GRID1: variants seen among roughly 807,000 people sequenced by gnomAD.
The protein encoded by GRID1 is glutamate receptor ionotropic, delta-1.
Under a neutral mutation model 98.0 loss-of-function variants are expected in GRID1, and 28 were observed. The observed-to-expected ratio is 0.29, with a 90% CI of 0.21 to 0.39. GRID1 has a LOEUF of 0.39. Among genes scored for constraint, GRID1 ranks in the 10% least tolerant of loss-of-function variants. GRID1 has a pLI of 1.00. For missense variants in GRID1, 1,111 were observed against 1,340.5 expected, an observed-to-expected ratio of 0.83 and a Z score of 2.67; for synonymous variants, 553 against 538.5, an observed-to-expected ratio of 1.03 and a Z score of -0.37.
At chr10:85,968,749 T>C (rs994236061) in intron 4 of GRID1, among the ~76,000 whole-genome samples, 3 of 152,102 alleles carry the variant, frequency 2.0e-5, no homozygotes, top group African/African-American at 7.2e-5. Flanking sequence ...TTAGAAAATA[T>C]ATATTGAATG....
intron 4 of GRID1, among the ~76,000 whole-genome samples, chr10:85,939,392 A>G (rs1251360411): frequency 6.6e-6 from 1 of 152,244 alleles, no homozygotes; most frequent in Non-Finnish European, 1.5e-5. Flanking sequence ...AAAAACCTAC[A>G]AAGTTTGGTA....
chr10:86,168,248 A>T (rs929242892), intron 3 of GRID1, among the ~76,000 whole-genome samples: 7 of 152,298 alleles, frequency 4.6e-5, no homozygotes, highest in Admixed American at 1.3e-4. Flanking sequence ...GGGCTGTGTG[A>T]CTGTAAACAG....
intron 12 of GRID1, among the ~76,000 whole-genome samples, chr10:85,667,693 G>C (rs1190739616): frequency 6.6e-5 from 10 of 152,170 alleles, no homozygotes; most frequent in African/African-American, 2.4e-4. Flanking sequence ...TTCTTCCCCA[G>C]TGTGCCCCCA....
At chr10:86,113,967 T>A (rs1844531829) in intron 4 of GRID1, among the ~76,000 whole-genome samples, 1 of 152,150 alleles carries the variant, frequency 6.6e-6, no homozygotes, top group South Asian at 2.1e-4. Context: ...GAGTTCCCCA[T>A]GTGCAGAGGT....
At position 85,601,023 on chromosome 10, in the gene GRID1, G is replaced by C. The variant is rs1842566581; in HGVS notation, c.*1250C>G. The C allele has an allele frequency of 6.6e-6, 1 of 152,408 alleles. No homozygotes were observed. Among genetic ancestry groups the C allele is most frequent in the African/African-American group, 2.4e-5 (1 of 41,470 alleles). 9.4% of individuals were successfully genotyped at this position (152,408 alleles called of 1,614,324 possible). On this transcript the variant is annotated 3_prime_UTR_variant, in exon 16 of 16. Transcript: ENST00000327946. ...CTGCCTGCAGGATTTATGACCCAGA[G>C]ATAGGCCTTTACTTTTGGGGCTACA...
intron 2 of GRID1, among the ~76,000 whole-genome samples, chr10:86,300,500 ACAGGG>A (rs1847666776): frequency 1.4e-5 from 1 of 72,648 alleles, no homozygotes; most frequent in Non-Finnish European, 2.6e-5. Context: ...GGGAGGAAAG[ACAGGG>A]GAGGGGAAGG....
chr10:86,287,605 A>G (rs1847450682), intron 2 of GRID1, among the ~76,000 whole-genome samples: 2 of 152,236 alleles, frequency 1.3e-5, no homozygotes, highest in Non-Finnish European at 1.5e-5. Flanking sequence ...CCTGACCACA[A>G]CCATCAGAGT....
chr10:85,909,770 G>T (rs143548884), intron 5 of GRID1, among the ~76,000 whole-genome samples: 6 of 152,258 alleles, frequency 3.9e-5, no homozygotes, highest in African/African-American at 1.4e-4. Flanking sequence ...GGCCAGGAGG[G>T]TGGCATTCCT....
intron 4 of GRID1, among the ~76,000 whole-genome samples, chr10:85,973,146 G>C (rs976375347): frequency 6.6e-6 from 1 of 152,100 alleles, no homozygotes; most frequent in African/African-American, 2.4e-5. Context: ...GTGTTAACCA[G>C]GTTTGAATTT....
chr10:86,261,380 G>A (rs1847013652), intron 2 of GRID1, among the ~76,000 whole-genome samples: 1 of 152,228 alleles, frequency 6.6e-6, no homozygotes, highest in African/African-American at 2.4e-5. Flanking sequence ...TGCATAGTGA[G>A]GATCGGATGT....
intron 15 of GRID1, among the ~76,000 whole-genome samples, chr10:85,604,593 C>G (rs957851909): frequency 6.6e-6 from 1 of 152,176 alleles, no homozygotes; most frequent in Admixed American, 6.5e-5. Flanking sequence ...TGGAGAATGC[C>G]AGGCTTCTAC....
intron 12 of GRID1, among the ~76,000 whole-genome samples, chr10:85,676,049 G>T (rs976088581): frequency 6.6e-6 from 1 of 152,232 alleles, no homozygotes; most frequent in African/African-American, 2.4e-5. Flanking sequence ...CAATGCCACA[G>T]GGATCACCTC....
At chr10:86,170,276 C>A (rs1256454898) in intron 3 of GRID1, among the ~76,000 whole-genome samples, 1 of 152,204 alleles carries the variant, frequency 6.6e-6, no homozygotes, top group Non-Finnish European at 1.5e-5. Flanking sequence ...AGCCAGCAGG[C>A]GGATGGCATG....
chr10:86,095,091 G>T (rs1221850210), intron 4 of GRID1, among the ~76,000 whole-genome samples: 1 of 152,046 alleles, frequency 6.6e-6, no homozygotes, highest in Non-Finnish European at 1.5e-5. Context: ...AAAATAAAGT[G>T]GGGAAAGAAA....
At chr10:86,271,427 A>T (rs1847183127) in intron 2 of GRID1, among the ~76,000 whole-genome samples, 1 of 152,224 alleles carries the variant, frequency 6.6e-6, no homozygotes, top group South Asian at 2.1e-4. Context: ...GCAGGAAAAA[A>T]ATTTACCCAT....
At position 86,206,307 on chromosome 10, in the gene GRID1, C is replaced by T. The variant is rs1443117777; in HGVS notation, c.520+57G>A. The T allele has an allele frequency of 1.3e-6, 2 of 1,529,820 alleles. No homozygotes were observed. Among genetic ancestry groups the T allele is most frequent in the Non-Finnish European group, 1.8e-6 (2 of 1,129,742 alleles). The allele number at this position is 1,529,820 out of a possible 1,614,324, so 94.8% of individuals were successfully genotyped here. A position where few individuals can be genotyped will look rare whatever the true frequency, so the allele number is the denominator to read the frequency against. ...GGGCCCCACCCACTCTCAGGTCTCC[C>T]AGCATCTGGCCATCCCTGTCCCCAA... On this transcript the variant is annotated intron_variant, in intron 3 of 15. Transcript: ENST00000327946. The surrounding 1 kb of genome is among the most constrained non-coding windows in gnomAD (Gnocchi z 4.1).
chr10:85,710,027 T>C (rs1178871099), intron 12 of GRID1, among the ~76,000 whole-genome samples: 2 of 152,168 alleles, frequency 1.3e-5, no homozygotes, highest in East Asian at 3.8e-4. Context: ...ATTGGAAGAC[T>C]TAATATTTTA....
At chr10:85,715,504 A>C (rs1456064822) in intron 12 of GRID1, among the ~76,000 whole-genome samples, 1 of 152,162 alleles carries the variant, frequency 6.6e-6, no homozygotes, top group Non-Finnish European at 1.5e-5. Context: ...GAAATCAAAA[A>C]CTCACTAACC....
rs552940661 is a variant in GRID1, at chr10:85,726,755, G to A, written c.1533+1100C>T. On this transcript the variant is annotated intron_variant, in intron 10 of 15. Transcript: ENST00000327946. ...AGAAAGTAGATTAATGGTTGCCTAG[G>A]GCTGGGGGTGGGAATGGCATTAACT... Among the ~76,000 whole-genome samples, 18 of 152,320 alleles carry A rather than the reference G, an allele frequency of 1.2e-4. No individual in the cohort carries two copies. In the South Asian group the frequency reaches 3.5e-3, roughly 30 times the overall value.
Sources: allele counts gnomAD v4.1 joint callset (sites outside exome capture counted in the v4.1 genomes callset), GRCh38; gene constraint gnomAD v4.1.1; non-coding constraint Gnocchi (gnomAD v3.1); transcripts MANE v1.5; gene names NCBI Gene and HGNC (gene_info 2026-07-23, HGNC 2026-07-21).